The following CALN1 variants were observed in gnomAD, a reference collection of about 807,000 sequenced individuals.
CALN1 encodes calcium-binding protein 8.
Under a neutral mutation model 30.6 loss-of-function variants are expected in CALN1, and 17 were observed. That is an observed-to-expected ratio of 0.56 (90% CI 0.38 to 0.83). The LOEUF (loss-of-function observed/expected upper bound fraction) is 0.83, where lower values mean the gene tolerates loss of function less well. Among genes scored for constraint, CALN1 ranks in the 40% least tolerant of loss-of-function variants. The pLI, the probability that CALN1 is intolerant of heterozygous loss-of-function variation, is 0.00. For synonymous variants in CALN1, 156 were observed against 131.4 expected, an observed-to-expected ratio of 1.19 and a Z score of -1.28; for missense variants, 291 against 354.9, an observed-to-expected ratio of 0.82 and a Z score of 1.45.
intron 3 of CALN1, among the ~76,000 whole-genome samples, chr7:72,271,722 G>A (rs1797008809): frequency 6.6e-6 from 1 of 150,914 alleles, no homozygotes; most frequent in South Asian, 2.1e-4. Flanking sequence ...AAAAACTAAG[G>A]TGTGAACAAC....
At chr7:71,890,276 A>T (rs1183590552) in intron 5 of CALN1, among the ~76,000 whole-genome samples, 1 of 152,110 alleles carries the variant, frequency 6.6e-6, no homozygotes, top group East Asian at 1.9e-4. Context: ...CTGAGAACAG[A>T]ATTTTTAGGA....
chr7:72,161,054 G>A (rs1788072184), intron 3 of CALN1, among the ~76,000 whole-genome samples: 1 of 152,146 alleles, frequency 6.6e-6, no homozygotes, highest in Admixed American at 6.5e-5. Context: ...TGATGAAAAG[G>A]GCAGACAGAG....
intron 5 of CALN1, among the ~76,000 whole-genome samples, chr7:71,936,619 A>G (rs1227223813): frequency 6.6e-6 from 1 of 152,120 alleles, no homozygotes; most frequent in Non-Finnish European, 1.5e-5. Flanking sequence ...TTTGGGTCTC[A>G]TCTGCTGAAC....
chr7:72,454,547 T>C, the CALN1 span, among the ~76,000 whole-genome samples: 1 of 152,154 alleles, frequency 6.6e-6, no homozygotes, highest in Non-Finnish European at 1.5e-5. Context: ...AGGTCAGGGA[T>C]TCACAAGTTC....
At chr7:72,390,374 T>C (rs1420577386) in intron 2 of CALN1, among the ~76,000 whole-genome samples, 1 of 151,960 alleles carries the variant, frequency 6.6e-6, no homozygotes, top group African/African-American at 2.4e-5. Context: ...GAGGTTGTAG[T>C]GAGCCGAGAT....
At chr7:72,350,901 G>C (rs532687225) in intron 2 of CALN1, among the ~76,000 whole-genome samples, 20 of 152,340 alleles carry the variant, frequency 1.3e-4, no homozygotes, top group Non-Finnish European at 2.6e-4. Flanking sequence ...AGCACTTTGG[G>C]AGGCCAAGGT....
intron 2 of CALN1, among the ~76,000 whole-genome samples, chr7:72,391,009 A>C (rs911085374): frequency 1.1e-4 from 16 of 152,150 alleles, no homozygotes; most frequent in African/African-American, 3.9e-4. Flanking sequence ...TTCTTTGTAC[A>C]TTGTAATTTT....
chr7:72,309,601 A>G (rs950539246), intron 2 of CALN1, among the ~76,000 whole-genome samples: 5 of 152,050 alleles, frequency 3.3e-5, no homozygotes, highest in Admixed American at 6.6e-5. Flanking sequence ...GGCGGAGGGC[A>G]TGGGAGGGAA....
chr7:72,209,607 C>T (rs144234867), intron 3 of CALN1, among the ~76,000 whole-genome samples: 167 of 151,864 alleles, frequency 1.1e-3, no homozygotes, highest in African/African-American at 3.8e-3. Flanking sequence ...AGTATATTCA[C>T]AGACATGTGT....
chr7:71,799,867 A>G (rs1297962007), intron 6 of CALN1, among the ~76,000 whole-genome samples: 1 of 152,188 alleles, frequency 6.6e-6, no homozygotes, highest in Non-Finnish European at 1.5e-5. Context: ...TTTTGTCTGA[A>G]GTCCCAAATC....
intron 5 of CALN1, among the ~76,000 whole-genome samples, chr7:72,022,793 A>G (rs1201948026): frequency 6.6e-6 from 1 of 152,174 alleles, no homozygotes; most frequent in Non-Finnish European, 1.5e-5. Context: ...TTCTTACTAA[A>G]TACTTGTTGG....
chr7:72,073,460 C>T (rs1804534515), intron 4 of CALN1, among the ~76,000 whole-genome samples: 3 of 152,102 alleles, frequency 2.0e-5, no homozygotes, highest in Admixed American at 1.3e-4. Context: ...TGTAGTGCCT[C>T]CAGTAAGATC....
At position 71,851,510 on chromosome 7, in the gene CALN1, C is replaced by T. The variant is rs573086970; in HGVS notation, c.502-41018G>A. Among the ~76,000 whole-genome samples the T allele has an allele frequency of 2.3e-3, 351 of 150,432 alleles. 1 individual carries two copies. The highest frequency in any genetic ancestry group is 3.6e-3 in the Admixed American group (54 of 15,050). On this transcript the variant is annotated intron_variant, in intron 5 of 6. Transcript: ENST00000395275. ...CTCCAGCCTAGGTAACAGGTGAGGC[C>T]GTGTCTCAAAAAAGAAAAAAACAGT...
chr7:72,430,180 T>C (rs1447330161), intron 1 of CALN1, among the ~76,000 whole-genome samples: 1 of 148,920 alleles, frequency 6.7e-6, no homozygotes, highest in African/African-American at 2.4e-5. Context: ...ATCGTATATT[T>C]ATACATAGGT....
intron 1 of CALN1, 21 bp from the exon 2 acceptor site, chr7:72,403,463 C>T (rs904999654): frequency 3.1e-6 from 3 of 978,496 alleles, no homozygotes; most frequent in Non-Finnish European, 4.5e-6. Context: ...TTGACAGAAA[C>T]TTACAGCCTG....
intron 3 of CALN1, among the ~76,000 whole-genome samples, chr7:72,260,362 G>C (rs1022283121): frequency 3.9e-5 from 6 of 152,136 alleles, no homozygotes; most frequent in African/African-American, 7.2e-5. Context: ...TTACAGATCT[G>C]TCTTCTCTCC....
rs907966632 is a variant in CALN1, at chr7:71,811,767, C to T, written c.502-1275G>A. On this transcript the variant is annotated intron_variant, in intron 5 of 6. Transcript: ENST00000395275. ...GATCTCGGCTGACTGCAAACTCCAC[C>T]TCCCGGGTTCAAGCAATTCTCCTTC... is the stretch of plus-strand genomic sequence containing the variant. Among the ~76,000 whole-genome samples, 5 of 151,432 alleles carry T rather than the reference C, an allele frequency of 3.3e-5. No homozygotes were observed. The East Asian group carries it at 7.9e-4, about 24-fold the overall frequency.
At chr7:72,178,268 G>A (rs1347179243) in intron 3 of CALN1, among the ~76,000 whole-genome samples, 1 of 152,180 alleles carries the variant, frequency 6.6e-6, no homozygotes, top group Admixed American at 6.5e-5. Context: ...AATTATTTCA[G>A]CTTGACATTA....
intron 3 of CALN1, among the ~76,000 whole-genome samples, chr7:72,214,911 C>T (rs1489987390): frequency 2.0e-5 from 3 of 151,402 alleles, no homozygotes; most frequent in Non-Finnish European, 4.4e-5. Flanking sequence ...GATCTGTCAC[C>T]GTCTCCCATC....
Sources: gnomAD v4.1 joint callset for allele counts (sites outside exome capture counted in the v4.1 genomes callset) on GRCh38, gnomAD v4.1.1 for gene constraint, MANE v1.5 for transcripts, NCBI Gene and HGNC (gene_info 2026-07-23, HGNC 2026-07-21) for gene names.